METTL8: variants seen among roughly 807,000 people sequenced by gnomAD.
METTL8 encodes methyltransferase 8, tRNA N3-cytidine.
A neutral mutation model predicts 48.7 loss-of-function variants in METTL8; 32 were observed. The ratio of observed to expected loss-of-function variants is 0.66; its 90% CI spans 0.50 to 0.88. The LOEUF is 0.88. Ranked by LOEUF, METTL8 falls within the 40% of genes least tolerant of loss-of-function variation. The pLI, the probability that METTL8 is intolerant of heterozygous loss-of-function variation, is 0.00. For missense variants in METTL8, 464 were observed against 474.4 expected (o/e 0.98, Z 0.20); for synonymous variants, 136 against 157.1 (o/e 0.87, Z 1.01).
rs374121507 is a variant in METTL8, at chr2:171,319,419, G to GA, written c.*4752dup. The GA allele has an allele frequency of 6.6e-6, 1 of 152,234 alleles. No individual in the cohort carries two copies. The highest frequency in any genetic ancestry group is 2.4e-5 in the African/African-American group (1 of 41,460). The allele number at this position is 152,234 out of a possible 1,614,324, so 9.4% of individuals were successfully genotyped here. On this transcript the variant is annotated 3_prime_UTR_variant, in exon 10 of 10. Coordinates refer to ENST00000375258, the MANE Select transcript of METTL8 (RefSeq NM_001321154.2). Reference sequence around the variant, plus strand: ...AAACCAATTAGAAGTAACAATGTGTGATCTATTCAGGCTTCAGGACTTTGA... The same window carrying GA: ...AAACCAATTAGAAGTAACAATGTGTGAATCTATTCAGGCTTCAGGACTTTGA...
chr2:171,434,752 G>A, upstream of METTL8: 5 of 1,389,970 alleles, frequency 3.6e-6, no homozygotes, highest in Non-Finnish European at 9.2e-7. Context: ...GGCGCGCGGC[G>A]GCCGAGCCTC....
intron 2 of METTL8, among the ~76,000 whole-genome samples, chr2:171,377,466 G>A (rs1687091288): frequency 6.6e-6 from 1 of 152,204 alleles, no homozygotes; most frequent in Non-Finnish European, 1.5e-5. Context: ...CAGAGTGGGA[G>A]AAAATATTCT....
In METTL8 at chr2:171,324,050, CA is replaced by C; in HGVS notation, c.*121del. The C allele has an allele frequency of 1.2e-6, 1 of 824,686 alleles. No individual in the cohort carries two copies. Among genetic ancestry groups the C allele is most frequent in the Non-Finnish European group, 1.8e-6 (1 of 542,124 alleles). The allele number at this position is 824,686 out of a possible 1,614,324, so 51.1% of individuals were successfully genotyped here. A position where few individuals can be genotyped will look rare whatever the true frequency, so the allele number is the denominator to read the frequency against. ...AATGCACAAAGGAGCTCACCTATGACAAAACGGCAGGAAATACAAATTCTCT... is the reference window on the plus strand; with the variant it reads ...AATGCACAAAGGAGCTCACCTATGACAAACGGCAGGAAATACAAATTCTCT... On this transcript the variant is annotated 3_prime_UTR_variant, in exon 10 of 10. Coordinates refer to ENST00000375258, the MANE Select transcript of METTL8 (RefSeq NM_001321154.2).
At chr2:171,331,487 G>A (rs566985897) in intron 6 of METTL8, among the ~76,000 whole-genome samples, 1 of 151,476 alleles carries the variant, frequency 6.6e-6, no homozygotes, top group South Asian at 2.1e-4. Flanking sequence ...CACGATCTTG[G>A]CACACCGCAA....
chr2:171,327,323 T>C (rs2105388845), intron 7 of METTL8, among the ~76,000 whole-genome samples: 1 of 152,354 alleles, frequency 6.6e-6, no homozygotes, highest in South Asian at 2.1e-4. Context: ...TCAGATCTCA[T>C]ATTAATTCTG....
At position 171,387,284 on chromosome 2, in the gene METTL8, C is replaced by A. The variant is rs143936955; in HGVS notation, c.143+4759G>T. 5.9e-5 allele frequency among the ~76,000 whole-genome samples: 9 copies of A among 152,266 alleles called. No homozygotes were observed. In the East Asian group the frequency reaches 1.7e-3, roughly 29 times the overall value. On this transcript the variant is annotated intron_variant, in intron 2 of 9. Coordinates refer to ENST00000375258, the MANE Select transcript of METTL8 (RefSeq NM_001321154.2). ...TGTCATGGGGTAGGAGCCCCACAGC[C>A]TGCCCATCTGTATGCTCCCCTAGAG...
chr2:171,320,218 G>T lies in METTL8; in HGVS notation c.*3954C>A, dbSNP rs1485977989. On this transcript the variant is annotated 3_prime_UTR_variant, in exon 10 of 10. Coordinates refer to ENST00000375258, the MANE Select transcript of METTL8 (RefSeq NM_001321154.2). ...TTGTAGGTAGGTTAAGAGACAGAAAGACTGACCAGGCAAGCAGAAGACACT... is the reference window on the plus strand; with the variant it reads ...TTGTAGGTAGGTTAAGAGACAGAAATACTGACCAGGCAAGCAGAAGACACT... The T allele has an allele frequency of 6.6e-6, 1 of 151,714 alleles. No homozygotes were observed. Among genetic ancestry groups the T allele is most frequent in the African/African-American group, 2.4e-5 (1 of 41,282 alleles). The allele number at this position is 151,714 out of a possible 1,614,324, so 9.4% of individuals were successfully genotyped here. A position where few individuals can be genotyped will look rare whatever the true frequency, so the allele number is the denominator to read the frequency against.
intron 5 of METTL8, among the ~76,000 whole-genome samples, chr2:171,334,993 T>G (rs1021637506): frequency 6.6e-6 from 1 of 152,182 alleles, no homozygotes; most frequent in Non-Finnish European, 1.5e-5. Context: ...TACCTTGAGA[T>G]CAGTCATAAA....
intron 1 of METTL8, among the ~76,000 whole-genome samples, chr2:171,401,823 C>T (rs982935132): frequency 8.5e-6 from 1 of 116,982 alleles, no homozygotes; most frequent in Non-Finnish European, 1.7e-5. Context: ...AACAGGTAAA[C>T]CAATGATAGT....
chr2:171,350,805 G>A (rs1006998875), intron 3 of METTL8, among the ~76,000 whole-genome samples: 2 of 152,062 alleles, frequency 1.3e-5, no homozygotes, highest in African/African-American at 4.8e-5. Flanking sequence ...CTTTTTGATG[G>A]GGTTGTTTGA....
chr2:171,363,605 A>G (rs1685384774), intron 2 of METTL8, among the ~76,000 whole-genome samples: 1 of 151,642 alleles, frequency 6.6e-6, no homozygotes, highest in African/African-American at 2.4e-5. Flanking sequence ...GTATGAAGAT[A>G]TTCACTGGAA....
intron 2 of METTL8, among the ~76,000 whole-genome samples, chr2:171,384,952 TAA>T (rs768515118): frequency 1.3e-5 from 2 of 151,774 alleles, no homozygotes; most frequent in Admixed American, 6.6e-5. Context: ...AGAAACTAAA[TAA>T]AAAAGAGTAT....
At chr2:171,380,009 C>T (rs1687354959) in intron 2 of METTL8, among the ~76,000 whole-genome samples, 1 of 152,174 alleles carries the variant, frequency 6.6e-6, no homozygotes, top group Admixed American at 6.5e-5. Flanking sequence ...CAATAAAATA[C>T]TGGCAAACTG....
chr2:171,331,104 T>C (rs1685478201), intron 6 of METTL8, among the ~76,000 whole-genome samples: 1 of 152,140 alleles, frequency 6.6e-6, no homozygotes, highest in Non-Finnish European at 1.5e-5. Flanking sequence ...TTCTTGTGTG[T>C]TGTTGGCCTT....
rs1056848935 is a variant in METTL8 at position 171,316,945 on chromosome 2, A to G, written c.*7227T>C. Among the ~76,000 whole-genome samples, 1 of 152,190 alleles carries G rather than the reference A, an allele frequency of 6.6e-6. No individual in the cohort carries two copies. The highest frequency in any genetic ancestry group is 6.5e-5 in the Admixed American group (1 of 15,278). On this transcript the variant is annotated 3_prime_UTR_variant, in exon 10 of 10. Coordinates refer to ENST00000375258, the MANE Select transcript of METTL8 (RefSeq NM_001321154.2). ...CTAAAGATGTAAGGAGAGCGATCGC[A>G]TTCTTTACGCCAAGCATTCTGTTTA... is the stretch of plus-strand genomic sequence containing the variant.
intron 2 of METTL8, among the ~76,000 whole-genome samples, chr2:171,381,750 C>T (rs1048468510): frequency 6.6e-6 from 1 of 150,414 alleles, no homozygotes; most frequent in African/African-American, 2.4e-5. Context: ...AAACAATAGA[C>T]GCTGACAAGG....
intron 1 of METTL8, among the ~76,000 whole-genome samples, chr2:171,402,810 C>A (rs1447725838): frequency 1.3e-5 from 2 of 151,828 alleles, no homozygotes; most frequent in Non-Finnish European, 2.9e-5. Context: ...TCTTATAGTG[C>A]CAGAAAGTAA....
chr2:171,324,391 A>C, intron 9 of METTL8, 29 bp from the exon 10 acceptor site: 1 of 1,542,458 alleles, frequency 6.5e-7, no homozygotes, highest in Non-Finnish European at 8.8e-7. Flanking sequence ...AATAAAAGAT[A>C]TGACATGTGA....
At position 171,318,704 on chromosome 2, in the gene METTL8, G is replaced by T. The variant is rs1313146376; in HGVS notation, c.*5468C>A. 1 of 151,932 alleles carries T rather than the reference G, an allele frequency of 6.6e-6. No homozygotes were observed. The highest frequency in any genetic ancestry group is 6.6e-5 in the Admixed American group (1 of 15,234). The allele number at this position is 151,932 out of a possible 1,614,324, so 9.4% of individuals were successfully genotyped here. A position where few individuals can be genotyped will look rare whatever the true frequency, so the allele number is the denominator to read the frequency against. On this transcript the variant is annotated 3_prime_UTR_variant, in exon 10 of 10. Transcript: ENST00000375258. ...ACCTACTTATTTGCTAGAATGATTG[G>T]ATCTAGAATGAGCCATAACCTTGAA...
Sources: allele counts gnomAD v4.1 joint callset (sites outside exome capture counted in the v4.1 genomes callset), GRCh38; gene constraint gnomAD v4.1.1; transcripts MANE v1.5; gene names NCBI Gene and HGNC (gene_info 2026-07-23, HGNC 2026-07-21).